Variants in MMADHC observed in about 807,000 individuals in gnomAD.
MMADHC encodes metabolism of cobalamin associated D.
In MMADHC, 23 loss-of-function variants were observed where a neutral mutation model predicts 36.3. The ratio of observed to expected loss-of-function variants is 0.63; its 90% CI spans 0.46 to 0.90. The LOEUF (loss-of-function observed/expected upper bound fraction) is 0.90, where lower values mean the gene tolerates loss of function less well. Ranked by LOEUF, MMADHC falls within the 40% of genes least tolerant of loss-of-function variation. The pLI is 0.00. For missense variants in MMADHC, 330 were observed against 348.0 expected (o/e 0.95, Z 0.41); for synonymous variants, 97 against 116.1 (o/e 0.84, Z 1.06).
intron 4 of MMADHC, among the ~76,000 whole-genome samples, chr2:149,577,757 C>A (rs149726624): frequency 6.6e-6 from 1 of 152,196 alleles, no homozygotes; most frequent in African/African-American, 2.4e-5. Context: ...CACTGGCTCA[C>A]GCCTGTAATC....
In MMADHC at chr2:149,569,688, C is replaced by T. The variant is rs1387346671; in HGVS notation, c.*286G>A. ...GGGAAGAAAATAATTAAAACTGAGG[C>T]CTTTTTCCAATAAAGAGGAGAAATA... On this transcript the variant is annotated 3_prime_UTR_variant, in exon 8 of 8. Transcript: ENST00000303319. 4.3e-6 allele frequency: 1 copy of T among 233,348 alleles called. No individual in the cohort carries two copies. The highest frequency in any genetic ancestry group is 8.3e-6 in the Non-Finnish European group (1 of 119,878). 14.5% of individuals were successfully genotyped at this position (233,348 alleles called of 1,614,324 possible).
chr2:149,572,999 A>G (rs774404999), intron 6 of MMADHC, among the ~76,000 whole-genome samples: 11 of 152,302 alleles, frequency 7.2e-5, no homozygotes, highest in Non-Finnish European at 1.2e-4. Flanking sequence ...GGACACAGCC[A>G]TGGCAATTCA....
chr2:149,570,539 T>C (rs1285705510), intron 7 of MMADHC, among the ~76,000 whole-genome samples: 1 of 152,202 alleles, frequency 6.6e-6, no homozygotes, highest in Non-Finnish European at 1.5e-5. Context: ...TGAGAAGAAA[T>C]GGTATATATT....
chr2:149,580,363 G>GA lies in MMADHC; in HGVS notation c.155-716dup, dbSNP rs988452345. ...ATCTGGTGGCACAAAATACGAACGG[G>GA]AAAAAAAATCATGCATCACATGACC... On this transcript the variant is annotated intron_variant, in intron 3 of 7. Coordinates refer to ENST00000303319, the MANE Select transcript of MMADHC (RefSeq NM_015702.3). Among the ~76,000 whole-genome samples the GA allele has an allele frequency of 4.0e-5, 6 of 151,612 alleles. No individual in the cohort carries two copies. The East Asian group carries it at 9.7e-4, about 24-fold the overall frequency.
intron 2 of MMADHC, among the ~76,000 whole-genome samples, chr2:149,585,638 C>T (rs1244983690): frequency 6.6e-6 from 1 of 152,200 alleles, no homozygotes; most frequent in Non-Finnish European, 1.5e-5. Context: ...AAAGGTTGCT[C>T]CCCTTTGTTC....
chr2:149,573,770 A>C (rs1382592814), intron 6 of MMADHC, among the ~76,000 whole-genome samples: 1 of 152,216 alleles, frequency 6.6e-6, no homozygotes, highest in Non-Finnish European at 1.5e-5. Flanking sequence ...AATGTATTTC[A>C]ATTTAATGAA....
At chr2:149,587,198 A>C in intron 1 of MMADHC, 49 bp from the exon 2 acceptor site, 1 of 1,146,042 alleles carries the variant, frequency 8.7e-7, no homozygotes, top group Non-Finnish European at 1.3e-6. Context: ...AAACTCTAAC[A>C]ACAGACAACT....
At chr2:149,586,342 T>G (rs189878511) in intron 2 of MMADHC, among the ~76,000 whole-genome samples, 9 of 152,290 alleles carry the variant, frequency 5.9e-5, no homozygotes, top group African/African-American at 2.2e-4. Flanking sequence ...CAGCAGTCAC[T>G]TTTCAGTTTT....
In MMADHC at chr2:149,570,009, C is replaced by T; in HGVS notation, c.856G>A (p.Asp286Asn). Residue 286 changes from aspartate (D) to asparagine (N), a missense_variant, in exon 8 of 8, where the codon GAC becomes AAC. Coordinates refer to ENST00000303319, the MANE Select transcript of MMADHC (RefSeq NM_015702.3). ...CTTAATTTCTTCATAATATGGCTGT[C>T]TGGTGTTGCATTAGTGAAGATACTC... is the stretch of plus-strand genomic sequence containing the variant. ...VGSIFTNATP[D>N]SHIMKKLSGN 6.2e-7 allele frequency: 1 copy of T among 1,613,632 alleles called. No individual in the cohort carries two copies. Among genetic ancestry groups the T allele is most frequent in the Non-Finnish European group, 8.5e-7 (1 of 1,179,680 alleles).
chr2:149,584,484 A>C (rs1682835085), intron 2 of MMADHC, among the ~76,000 whole-genome samples: 1 of 152,226 alleles, frequency 6.6e-6, no homozygotes, highest in African/African-American at 2.4e-5. Flanking sequence ...GAGGAGGAAG[A>C]TCATCCAAAT....
rs1305630997 is a variant in MMADHC at position 149,571,168 on chromosome 2, T to C, written c.613A>G (p.Ile205Val). Residue 205 changes from isoleucine to valine, a missense_variant, in exon 7 of 8, where the codon ATC becomes GTC. Transcript: ENST00000303319. ...IEREVLLEKF[I>V]NGAKEICYAL... ...TAGCAAATTTCCTTAGCACCATTGA[T>C]GAACTGCAATGGAAGTCACAAATAA... 1 of 1,597,690 alleles carries C rather than the reference T, an allele frequency of 6.3e-7. No individual in the cohort carries two copies. Among genetic ancestry groups the C allele is most frequent in the Non-Finnish European group, 8.6e-7 (1 of 1,167,742 alleles).
chr2:149,582,336 C>T (rs1573880210), intron 2 of MMADHC, 65 bp from the exon 3 acceptor site: 3 of 1,550,102 alleles, frequency 1.9e-6, no homozygotes, highest in African/African-American at 2.7e-5. Context: ...CATAGACAAT[C>T]TCTGGCAAAT....
At chr2:149,585,376 T>C (rs961605163) in intron 2 of MMADHC, among the ~76,000 whole-genome samples, 1 of 152,232 alleles carries the variant, frequency 6.6e-6, no homozygotes, top group African/African-American at 2.4e-5. Context: ...CTTTTGATCA[T>C]GTGAGGAAAA....
chr2:149,587,077 T>A lies in MMADHC; in HGVS notation c.9+12A>T, dbSNP rs570608507. On this transcript the variant is annotated intron_variant, in intron 2 of 7. Coordinates refer to ENST00000303319, the MANE Select transcript of MMADHC (RefSeq NM_015702.3). ...GTTTACTATGCTGATTCTTAAGAGA[T>A]AATTTACTCACATTGGCCATCTCCG... 3 of 1,613,510 alleles carry A rather than the reference T, an allele frequency of 1.9e-6. No individual in the cohort carries two copies. Among genetic ancestry groups the A allele is most frequent in the African/African-American group, 2.7e-5 (2 of 75,058 alleles).
intron 3 of MMADHC, among the ~76,000 whole-genome samples, chr2:149,581,850 T>G (rs1682798589): frequency 6.6e-6 from 1 of 152,172 alleles, no homozygotes; most frequent in Non-Finnish European, 1.5e-5. Flanking sequence ...TAATATGGTT[T>G]AACAGGACCA....
intron 4 of MMADHC, among the ~76,000 whole-genome samples, chr2:149,578,183 AG>A (rs150421827): frequency 0.016 from 2,401 of 152,314 alleles, 55 homozygotes; most frequent in African/African-American, 0.054. Context: ...CTAAAAATCC[AG>A]GTAAGACAAA....
intron 6 of MMADHC, among the ~76,000 whole-genome samples, chr2:149,572,577 C>T (rs916786333): frequency 3.3e-5 from 5 of 152,090 alleles, no homozygotes; most frequent in African/African-American, 1.2e-4. Flanking sequence ...GGGCAAAGAA[C>T]TAGAGCCCAA....
At chr2:149,572,263 C>T (rs745909502) in intron 6 of MMADHC, 2 of 413,652 alleles carry the variant, frequency 4.8e-6, no homozygotes, top group Non-Finnish European at 4.7e-6. Flanking sequence ...TGCTTGAACC[C>T]GGGAGGCAGA....
At chr2:149,576,723 A>G (rs1682724485) in intron 4 of MMADHC, among the ~76,000 whole-genome samples, 181 bp from the exon 5 acceptor site, 2 of 152,246 alleles carry the variant, frequency 1.3e-5, no homozygotes, top group African/African-American at 2.4e-5. Flanking sequence ...TACAATGAAT[A>G]TAAGATTTGG....
Sources: gnomAD v4.1 joint callset for allele counts (sites outside exome capture counted in the v4.1 genomes callset) on GRCh38, gnomAD v4.1.1 for gene constraint, MANE v1.5 for transcripts, NCBI Gene and HGNC (gene_info 2026-07-23, HGNC 2026-07-21) for gene names.